Variants in UMAD1 observed in about 807,000 individuals in gnomAD.
The protein encoded by UMAD1 is UBAP1-MVB12-associated (UMA)-domain containing protein 1.
A neutral mutation model predicts 6.1 loss-of-function variants in UMAD1; 8 were observed. That is an observed-to-expected ratio of 1.30 (90% CI 0.76 to 2.35). UMAD1 has a LOEUF of 2.35. UMAD1 is among the 30% of genes most tolerant of loss of function. The pLI is 0.00. For missense variants in UMAD1, 130 were observed against 78.4 expected, an observed-to-expected ratio of 1.66 and a Z score of -2.49; for synonymous variants, 56 against 31.4, an observed-to-expected ratio of 1.78 and a Z score of -2.61.
chr7:7,700,821 G>T (rs1353935481), intron 2 of UMAD1, among the ~76,000 whole-genome samples: 1 of 152,154 alleles, frequency 6.6e-6, no homozygotes, highest in Non-Finnish European at 1.5e-5. Context: ...CCAGGAAGTG[G>T]AGGTTGCAGT....
chr7:7,776,831 T>C (rs993419346), intron 2 of UMAD1, among the ~76,000 whole-genome samples: 1 of 152,172 alleles, frequency 6.6e-6, no homozygotes, highest in African/African-American at 2.4e-5. Flanking sequence ...TATAAATGGC[T>C]AAAAAATATA....
At chr7:7,706,410 G>A (rs1333954519) in intron 2 of UMAD1, among the ~76,000 whole-genome samples, 3 of 152,108 alleles carry the variant, frequency 2.0e-5, no homozygotes, top group African/African-American at 7.2e-5. Flanking sequence ...AATACCAACA[G>A]AGCATGGGAA....
intron 2 of UMAD1, among the ~76,000 whole-genome samples, chr7:7,747,726 C>T (rs764878995): frequency 3.9e-5 from 6 of 152,126 alleles, no homozygotes; most frequent in African/African-American, 7.2e-5. Context: ...AATGGGAAAT[C>T]TTCATTGTTA....
In UMAD1 at chr7:7,784,511, AT is replaced by A. The variant is rs531022882; in HGVS notation, c.83-17145del. The stretch of plus-strand genomic sequence containing the variant: ...CCACCATGCCCGGCTAATTTTTTGT[AT>A]TTTTTTTTTTTTTAAGTAGAGATGA... On this transcript the variant is annotated intron_variant, in intron 2 of 3. Transcript: ENST00000682710. Among the ~76,000 whole-genome samples, 990 of 135,512 alleles carry A rather than the reference AT, an allele frequency of 7.3e-3. 4 individuals are homozygous for A. The highest frequency in any genetic ancestry group is 0.018 in the African/African-American group (665 of 37,876). 88.9% of individuals were successfully genotyped at this position (135,512 alleles called of 152,430 possible). A position where few individuals can be genotyped will look rare whatever the true frequency, so the allele number is the denominator to read the frequency against.
intron 1 of UMAD1, among the ~76,000 whole-genome samples, chr7:7,645,864 T>A (rs1785082020): frequency 6.6e-6 from 1 of 152,096 alleles, no homozygotes; most frequent in South Asian, 2.1e-4. Context: ...GGTCTGTAAT[T>A]TTCCTTTTTT....
intron 2 of UMAD1, among the ~76,000 whole-genome samples, chr7:7,757,747 G>A (rs1781805140): frequency 6.6e-6 from 1 of 152,186 alleles, no homozygotes; most frequent in Non-Finnish European, 1.5e-5. Context: ...CCCACGTTTA[G>A]GGATGTTGTG....
chr7:7,834,016 C>CTTTTTTTTTTTTTTTT (rs4034895), intron 3 of UMAD1, among the ~76,000 whole-genome samples: 25 of 110,484 alleles, frequency 2.3e-4, no homozygotes, highest in South Asian at 6.0e-4. Flanking sequence ...TTTTTCTTTT[C>CTTTTTTTTTTTTTTTT]TTTTTTTTTT....
chr7:7,823,317 C>T (rs925859124), intron 3 of UMAD1, among the ~76,000 whole-genome samples: 1 of 152,082 alleles, frequency 6.6e-6, no homozygotes, highest in Non-Finnish European at 1.5e-5. Flanking sequence ...TTACTGGATG[C>T]CCAGTTAAAT....
intron 3 of UMAD1, among the ~76,000 whole-genome samples, chr7:7,869,409 G>GT: frequency 6.6e-6 from 1 of 152,160 alleles, no homozygotes; most frequent in Non-Finnish European, 1.5e-5. Flanking sequence ...TCTTCTTTTT[G>GT]TAACTTGTTT....
chr7:7,665,072 C>A lies in UMAD1; in HGVS notation c.-63-8237C>A, dbSNP rs532035622. Reference sequence around the variant, plus strand: ...ACATTATTCTGTCTATAGACAGTAGCTGCATCAATCACACAGGAATTTTAG... The same window carrying A: ...ACATTATTCTGTCTATAGACAGTAGATGCATCAATCACACAGGAATTTTAG... On this transcript the variant is annotated intron_variant, in intron 1 of 3. Transcript: ENST00000682710. Among the ~76,000 whole-genome samples, 41 of 152,232 alleles carry A rather than the reference C, an allele frequency of 2.7e-4. 1 individual carries two copies. The South Asian group carries it at 6.2e-3, about 23-fold the overall frequency.
chr7:7,727,431 T>G (rs920503513), intron 2 of UMAD1, among the ~76,000 whole-genome samples: 2 of 152,230 alleles, frequency 1.3e-5, no homozygotes, highest in African/African-American at 4.8e-5. Context: ...TATTATTGTC[T>G]TTATTTGAAA....
chr7:7,717,068 T>C (rs968933656), intron 2 of UMAD1, among the ~76,000 whole-genome samples: 12 of 150,952 alleles, frequency 7.9e-5, no homozygotes, highest in African/African-American at 2.9e-4. Context: ...TTCTTTTTTT[T>C]TTTTTTGAGA....
chr7:7,704,452 C>T (rs893668171), intron 2 of UMAD1, among the ~76,000 whole-genome samples: 4 of 151,784 alleles, frequency 2.6e-5, no homozygotes, highest in Admixed American at 1.3e-4. Context: ...TTAACAACTG[C>T]TGCCATAAAG....
intron 1 of UMAD1, among the ~76,000 whole-genome samples, chr7:7,672,124 T>G (rs1310423988): frequency 6.6e-6 from 1 of 152,194 alleles, no homozygotes; most frequent in East Asian, 1.9e-4. Context: ...CCCTCCCTTC[T>G]TGGTTTTCTG....
At chr7:7,787,380 G>A (rs534588174) in intron 2 of UMAD1, among the ~76,000 whole-genome samples, 1 of 152,202 alleles carries the variant, frequency 6.6e-6, no homozygotes, top group South Asian at 2.1e-4. Flanking sequence ...TGTTTTTAGA[G>A]GAATTAAAAA....
intron 3 of UMAD1, among the ~76,000 whole-genome samples, chr7:7,847,513 G>A (rs1166058179): frequency 6.6e-6 from 1 of 151,882 alleles, no homozygotes; most frequent in African/African-American, 2.4e-5. Flanking sequence ...TCCCCAGTGA[G>A]CGTTTCTCTG....
chr7:7,717,718 C>T (rs1772600408), intron 2 of UMAD1, among the ~76,000 whole-genome samples: 1 of 152,162 alleles, frequency 6.6e-6, no homozygotes, highest in Non-Finnish European at 1.5e-5. Context: ...GAGTAAAATG[C>T]AGTTTAACAA....
At chr7:7,673,529 G>C (rs1041454415) in intron 2 of UMAD1, 76 bp downstream of exon 2, 6 of 651,742 alleles carry the variant, frequency 9.2e-6, no homozygotes, top group African/African-American at 1.8e-5. Flanking sequence ...TTATATGATT[G>C]ATTTTAAATT....
intron 1 of UMAD1, among the ~76,000 whole-genome samples, chr7:7,650,200 ATTTACG>A (rs1785192706): frequency 6.6e-6 from 1 of 152,162 alleles, no homozygotes; most frequent in Non-Finnish European, 1.5e-5. Context: ...TAATCCCACA[ATTTACG>A]TTCTTGTAAC....
Sources: allele counts gnomAD v4.1 joint callset (sites outside exome capture counted in the v4.1 genomes callset), GRCh38; gene constraint gnomAD v4.1.1; transcripts MANE v1.5; gene names NCBI Gene and HGNC (gene_info 2026-07-23, HGNC 2026-07-21).